The following HECTD4 variants were observed in gnomAD, a reference collection of about 807,000 sequenced individuals.
HECTD4 encodes probable E3 ubiquitin-protein ligase HECTD4.
In HECTD4, 114 loss-of-function variants were observed where a neutral mutation model predicts 471.5. The ratio of observed to expected loss-of-function variants is 0.24; its 90% CI spans 0.21 to 0.28. HECTD4 has a LOEUF of 0.28. HECTD4 is among the 10% of genes least tolerant of loss of function. The probability of loss-of-function intolerance (pLI) is 1.00; values close to 1 mark genes in which losing one functional copy is unlikely to be tolerated. For synonymous variants in HECTD4, 2,012 were observed against 2,256.0 expected (o/e 0.89, Z 3.07); for missense variants, 3,866 against 5,651.5 (o/e 0.68, Z 10.13).
rs2033362759 is a variant in HECTD4 at position 112,230,897 on chromosome 12, G to C, written c.6201-75C>G. 3.6e-6 allele frequency: 5 copies of C among 1,391,738 alleles called. No homozygotes were observed. The African/African-American group carries it at 5.8e-5, about 16-fold the overall frequency. The allele number at this position is 1,391,738 out of a possible 1,614,324, so 86.2% of individuals were successfully genotyped here. On this transcript the variant is annotated intron_variant, in intron 39 of 75. Transcript: ENST00000682272. ...TGCAGGGAAGTGGCTTTCAGGGTTA[G>C]CATCAGAGGAAAACCTTTTCTTTTT...
rs1408308481 is a variant in HECTD4, at chr12:112,217,151, A to G, written c.7119T>C (p.Val2373=). 1 of 1,557,584 alleles carries G rather than the reference A, an allele frequency of 6.4e-7. No homozygotes were observed. The highest frequency in any genetic ancestry group is 1.4e-5 in the African/African-American group (1 of 72,836). ...GGTGAGATGAGAACATGCAGGCTCG[A>G]ACAGGCGGAAACACTCGCGAGGGGC... is the stretch of plus-strand genomic sequence containing the variant. The part of the protein sequence containing the change: ...TWSPSRVFPP[V]RACMFSSHLT... The change falls in exon 46 of 76, where the codon GTT becomes GTC. Residue 2373 remains valine (V), a synonymous_variant. Coordinates refer to ENST00000682272, the MANE Select transcript of HECTD4 (RefSeq NM_001388303.1).
At position 112,193,360 on chromosome 12, in the gene HECTD4, A is replaced by C; in HGVS notation, c.8955+109T>G. 7.4e-7 allele frequency: 1 copy of C among 1,347,546 alleles called. No homozygotes were observed. The highest frequency in any genetic ancestry group is 1.0e-6 in the Non-Finnish European group (1 of 971,760). 83.5% of individuals were successfully genotyped at this position (1,347,546 alleles called of 1,614,324 possible). A position where few individuals can be genotyped will look rare whatever the true frequency, so the allele number is the denominator to read the frequency against. ...AAAAGCTTCTAGGAAAAGGAAATCGAGAGGAATAGGGACTTGGAAGGGAAA... is the reference window on the plus strand; with the variant it reads ...AAAAGCTTCTAGGAAAAGGAAATCGCGAGGAATAGGGACTTGGAAGGGAAA... On this transcript the variant is annotated intron_variant, in intron 57 of 75. Coordinates refer to ENST00000682272, the MANE Select transcript of HECTD4 (RefSeq NM_001388303.1). This position sits in a 1 kb window ranked among gnomAD's most constrained non-coding sequence, Gnocchi z 5.2.
chr12:112,285,991 C>A (rs968308299), intron 7 of HECTD4, among the ~76,000 whole-genome samples: 1 of 152,004 alleles, frequency 6.6e-6, no homozygotes, highest in Non-Finnish European at 1.5e-5. Flanking sequence ...AAAAGCATTA[C>A]CCAATCTGGC....
chr12:112,277,592 T>C (rs1386651537), intron 9 of HECTD4, among the ~76,000 whole-genome samples: 2 of 152,142 alleles, frequency 1.3e-5, no homozygotes, highest in African/African-American at 4.8e-5. Flanking sequence ...TAAATGCACA[T>C]TTGCAAGCAC....
rs1593882711 is a variant in HECTD4 at position 112,164,376 on chromosome 12, T to C, written c.12535-101A>G. On this transcript the variant is annotated intron_variant, in intron 72 of 75. Transcript: ENST00000682272. The stretch of plus-strand genomic sequence containing the variant: ...AACCCCAAGCGCAGCTGGTGGGGTC[T>C]ACCCTCGGCCGTGTAGATGAGCATG... 3.9e-6 allele frequency: 5 copies of C among 1,272,082 alleles called. No individual in the cohort carries two copies. The Admixed American group carries it at 1.0e-4, about 26-fold the overall frequency. 78.8% of individuals were successfully genotyped at this position (1,272,082 alleles called of 1,614,324 possible). A position where few individuals can be genotyped will look rare whatever the true frequency, so the allele number is the denominator to read the frequency against.
At chr12:112,360,170 A>T (rs752705306) in intron 1 of HECTD4, among the ~76,000 whole-genome samples, 2 of 152,152 alleles carry the variant, frequency 1.3e-5, no homozygotes, top group Non-Finnish European at 2.9e-5. Flanking sequence ...AAGTAGCAAA[A>T]GAGTCAGGGG....
chr12:112,170,280 G>A, intron 69 of HECTD4, 53 bp downstream of exon 69: 1 of 1,597,588 alleles, frequency 6.3e-7, no homozygotes, highest in Non-Finnish European at 8.5e-7. Context: ...AAATCCGCTA[G>A]TGTGTTTAGG....
chr12:112,262,060 G>T (rs1483894719), intron 17 of HECTD4: 1 of 152,104 alleles, frequency 6.6e-6, no homozygotes, highest in Non-Finnish European at 1.5e-5. Context: ...AATGTGTTAA[G>T]AAAGACTAGC....
intron 55 of HECTD4, among the ~76,000 whole-genome samples, chr12:112,199,532 T>C (rs1184309530): frequency 6.6e-6 from 1 of 152,184 alleles, no homozygotes; most frequent in Non-Finnish European, 1.5e-5. Context: ...GCATGAAAAA[T>C]AGTTTCTGGA....
chr12:112,285,377 T>A (rs772589678), intron 7 of HECTD4, among the ~76,000 whole-genome samples: 1 of 152,114 alleles, frequency 6.6e-6, no homozygotes, highest in Non-Finnish European at 1.5e-5. Flanking sequence ...ATTCAGGTCT[T>A]AGTTAAACGT....
intron 6 of HECTD4, among the ~76,000 whole-genome samples, chr12:112,307,934 T>C (rs1471397441): frequency 6.6e-6 from 1 of 152,244 alleles, no homozygotes; most frequent in Non-Finnish European, 1.5e-5. Context: ...ACTTAACCTC[T>C]CTGAGCTGTA....
chr12:112,175,967 T>A, intron 65 of HECTD4, 108 bp from the exon 66 acceptor site: 1 of 1,360,394 alleles, frequency 7.4e-7, no homozygotes, highest in Non-Finnish European at 1.0e-6. Flanking sequence ...CCAACCCATC[T>A]AATTCCCCTC....
At chr12:112,369,366 G>C (rs1328715416) in intron 1 of HECTD4, among the ~76,000 whole-genome samples, 1 of 138,848 alleles carries the variant, frequency 7.2e-6, no homozygotes, top group Non-Finnish European at 1.5e-5. Flanking sequence ...TTTTGAGACA[G>C]AGTCTCGCTC....
intron 52 of HECTD4, 142 bp downstream of exon 52, chr12:112,207,732 G>T: frequency 1.1e-6 from 1 of 914,234 alleles, no homozygotes; most frequent in Non-Finnish European, 1.6e-6. Context: ...AAAGATCAGA[G>T]TTCACTAAAG....
intron 41 of HECTD4, 32 bp downstream of exon 41, chr12:112,229,644 GGATGCTTATATATATGGGGGAA>G: frequency 6.8e-7 from 1 of 1,479,858 alleles, no homozygotes; most frequent in Non-Finnish European, 9.2e-7. Context: ...ATTAATTAAT[GGATGCTTATATATATGGGGGAA>G]GCAATGATTT....
chr12:112,323,879 A>C (rs1308048017), intron 1 of HECTD4, among the ~76,000 whole-genome samples: 1 of 151,950 alleles, frequency 6.6e-6, no homozygotes, highest in Admixed American at 6.6e-5. Context: ...ACTAGATATC[A>C]CTGGGTAAAG....
chr12:112,366,419 C>T (rs568446304), intron 1 of HECTD4, among the ~76,000 whole-genome samples: 156 of 151,986 alleles, frequency 1.0e-3, no homozygotes, highest in African/African-American at 3.7e-3. Flanking sequence ...ACTTGGGAAG[C>T]TGAGATGGCG....
Position 112,184,309 on chromosome 12 carries a change from C to G in HECTD4, c.10657G>C (p.Gly3553Arg). ...GTCTCTGCATTGTCCAGGGGCTCCC[C>G]CAGGCTGCCCAGGCTGCCCAGGCTG... is the stretch of plus-strand genomic sequence containing the variant. ...TGSLGSLGSL[G>R]EPLDNAETAS... Residue 3553 changes from glycine (G) to arginine (R), a missense_variant, in exon 61 of 76, where the codon GGG (glycine) becomes CGG (arginine). This residue lies in a region of HECTD4 where 192 missense variants were observed against 189.9 expected (regional missense o/e 1.01). Coordinates refer to ENST00000682272, the MANE Select transcript of HECTD4 (RefSeq NM_001388303.1). This position sits in a 1 kb window ranked among gnomAD's most constrained non-coding sequence, Gnocchi z 9.1. The G allele has an allele frequency of 6.2e-7, 1 of 1,611,950 alleles. No individual in the cohort carries two copies. Among genetic ancestry groups the G allele is most frequent in the Non-Finnish European group, 8.5e-7 (1 of 1,179,266 alleles).
intron 1 of HECTD4, among the ~76,000 whole-genome samples, chr12:112,323,525 T>A (rs2035626430): frequency 6.6e-6 from 1 of 152,092 alleles, no homozygotes. Context: ...AGGAATCTAA[T>A]GGCATTTTGT....
Sources: allele counts gnomAD v4.1 joint callset (sites outside exome capture counted in the v4.1 genomes callset), GRCh38; gene constraint gnomAD v4.1.1; regional missense constraint gnomAD v4.1.1; non-coding constraint Gnocchi (gnomAD v3.1); transcripts MANE v1.5; gene names NCBI Gene and HGNC (gene_info 2026-07-23, HGNC 2026-07-21).